The following ACCSL variants were observed in gnomAD, a reference collection of about 807,000 sequenced individuals.
ACCSL encodes the protein probable inactive 1-aminocyclopropane-1-carboxylate synthase-like protein 2.
In ACCSL, 55 loss-of-function variants were observed where a neutral mutation model predicts 61.7. The observed-to-expected ratio is 0.89, with a 90% CI of 0.72 to 1.12. ACCSL has a LOEUF of 1.12. Ranked by LOEUF, ACCSL falls within the 50% of genes most tolerant of loss-of-function variation. The pLI, the probability that ACCSL is intolerant of heterozygous loss-of-function variation, is 0.00. For missense variants in ACCSL, 632 were observed against 698.0 expected, an observed-to-expected ratio of 0.91 and a Z score of 1.07; for synonymous variants, 258 against 264.3, an observed-to-expected ratio of 0.98 and a Z score of 0.23.
intron 11 of ACCSL, among the ~76,000 whole-genome samples, chr11:44,056,925 C>CT (rs779477969): frequency 1.5e-4 from 23 of 152,214 alleles, no homozygotes; most frequent in Non-Finnish European, 2.5e-4. Context: ...TAATCGTACT[C>CT]TAAGTTGTGA....
the ACCSL span, among the ~76,000 whole-genome samples, chr11:44,010,683 T>C: frequency 6.6e-6 from 1 of 152,234 alleles, no homozygotes; most frequent in African/African-American, 2.4e-5. Context: ...GTACATGGTC[T>C]GGTGCTGATA....
At chr11:43,958,496 G>A in the ACCSL span, among the ~76,000 whole-genome samples, 1 of 152,180 alleles carries the variant, frequency 6.6e-6, no homozygotes, top group Non-Finnish European at 1.5e-5. Flanking sequence ...AGACTGATTT[G>A]AGAGGTGATA....
chr11:43,943,619 A>G, the ACCSL span: 3 of 1,306,388 alleles, frequency 2.3e-6, no homozygotes, highest in East Asian at 5.5e-5. The surrounding 1 kb of genome is among the most constrained non-coding windows in gnomAD (Gnocchi z 4.8). Flanking sequence ...ATGGTTTGCA[A>G]CTCCGATTTT....
chr11:43,922,813 C>T, the ACCSL span, among the ~76,000 whole-genome samples: 7 of 152,178 alleles, frequency 4.6e-5, no homozygotes, highest in Non-Finnish European at 1.0e-4. Context: ...TTTCACAATA[C>T]TTACCAACAC....
the ACCSL span, among the ~76,000 whole-genome samples, chr11:43,959,478 C>A: frequency 6.6e-6 from 1 of 152,216 alleles, no homozygotes; most frequent in Non-Finnish European, 1.5e-5. Flanking sequence ...TTGGAATTAG[C>A]CTAACTGATG....
upstream of ACCSL, among the ~76,000 whole-genome samples, chr11:44,044,108 T>C (rs1342471335): frequency 6.6e-6 from 1 of 152,212 alleles, no homozygotes; most frequent in Non-Finnish European, 1.5e-5. Context: ...TGCTTACTTC[T>C]ACCTGGAATT....
At chr11:43,948,755 T>C in the ACCSL span, among the ~76,000 whole-genome samples, 2 of 152,166 alleles carry the variant, frequency 1.3e-5, no homozygotes, top group African/African-American at 4.8e-5. Flanking sequence ...ATTACAGGTG[T>C]GAGTTACTTC....
chr11:43,985,195 C>T, the ACCSL span, among the ~76,000 whole-genome samples: 3 of 152,204 alleles, frequency 2.0e-5, no homozygotes, highest in Non-Finnish European at 2.9e-5. Flanking sequence ...ACGCTGCCTC[C>T]GCCCCCCTCC....
chr11:43,936,676 T>C, the ACCSL span, among the ~76,000 whole-genome samples: 63 of 152,218 alleles, frequency 4.1e-4, no homozygotes, highest in East Asian at 0.012. Context: ...AGGTCTGTGT[T>C]CTCCTTACCT....
the ACCSL span, among the ~76,000 whole-genome samples, chr11:43,922,632 C>T: frequency 6.6e-6 from 1 of 152,246 alleles, no homozygotes; most frequent in South Asian, 2.1e-4. Flanking sequence ...TAGACAAATT[C>T]TCAGCCAACT....
the ACCSL span, among the ~76,000 whole-genome samples, chr11:43,941,287 A>G: frequency 2.0e-5 from 3 of 152,186 alleles, no homozygotes; most frequent in Non-Finnish European, 4.4e-5. Flanking sequence ...TGTGTGTATC[A>G]TCTGTCTCTC....
the ACCSL span, among the ~76,000 whole-genome samples, chr11:43,965,830 A>G: frequency 0.15 from 22,231 of 152,212 alleles, 1,807 homozygotes; most frequent in Middle Eastern, 0.35. Context: ...TGATGAGGGT[A>G]TCAAGACCAT....
At chr11:44,044,371 C>T (rs1417530203), upstream of ACCSL, among the ~76,000 whole-genome samples, 1 of 152,114 alleles carries the variant, frequency 6.6e-6, no homozygotes, top group African/African-American at 2.4e-5. Context: ...GAAACTGATG[C>T]CCAGACAGGG....
chr11:43,955,432 G>A, the ACCSL span, among the ~76,000 whole-genome samples: 3 of 152,314 alleles, frequency 2.0e-5, no homozygotes, highest in East Asian at 3.9e-4. Flanking sequence ...CTGCACAGAC[G>A]AGACCAATTC....
chr11:43,925,193 G>A, the ACCSL span: 1 of 330,734 alleles, frequency 3.0e-6, no homozygotes, highest in Non-Finnish European at 6.1e-6. Context: ...GCAGAGAGGA[G>A]AGCTGGTGAA....
the ACCSL span, among the ~76,000 whole-genome samples, chr11:44,013,354 G>A: frequency 5.9e-5 from 9 of 151,958 alleles, no homozygotes; most frequent in African/African-American, 1.9e-4. Flanking sequence ...ATCTCGGCTC[G>A]CTGCAACCTC....
At chr11:44,009,284 G>C in the ACCSL span, among the ~76,000 whole-genome samples, 1 of 152,286 alleles carries the variant, frequency 6.6e-6, no homozygotes, top group African/African-American at 2.4e-5. Flanking sequence ...GCTTCTCCCA[G>C]CTGCTAAAAA....
chr11:44,057,575 T>TTC (rs1164677177), intron 11 of ACCSL, among the ~76,000 whole-genome samples: 1 of 152,220 alleles, frequency 6.6e-6, no homozygotes, highest in East Asian at 1.9e-4. Context: ...CCCCAAGTGG[T>TTC]TCTGTTCTAT....
At chr11:44,054,487 C>T (rs1303066227) in intron 8 of ACCSL, among the ~76,000 whole-genome samples, 5 of 148,426 alleles carry the variant, frequency 3.4e-5, no homozygotes, top group East Asian at 3.9e-4. Context: ...GATGGAGTCT[C>T]GCTCTGTCAC....
Sources: allele counts gnomAD v4.1 joint callset (sites outside exome capture counted in the v4.1 genomes callset), GRCh38; gene constraint gnomAD v4.1.1; non-coding constraint Gnocchi (gnomAD v3.1); transcripts MANE v1.5; gene names NCBI Gene and HGNC (gene_info 2026-07-23, HGNC 2026-07-21).